The following TLNRD1 variants were observed in gnomAD, a reference collection of about 807,000 sequenced individuals.
The protein encoded by TLNRD1 is talin rod domain-containing protein 1.
TLNRD1 carries 14 observed loss-of-function variants against 19.5 expected under a neutral mutation model. The ratio of observed to expected loss-of-function variants is 0.72; its 90% confidence interval spans 0.47 to 1.12. TLNRD1 has a LOEUF of 1.12. Ranked by LOEUF, TLNRD1 falls within the 50% of genes most tolerant of loss-of-function variation. The pLI is 0.00. For missense variants in TLNRD1, 569 were observed against 531.9 expected (o/e 1.07, Z -0.69); for synonymous variants, 345 against 261.7 (o/e 1.32, Z -3.07).
rs1893451161 is a variant in TLNRD1 at position 81,003,457 on chromosome 15, C to T, written c.*97C>T. On this transcript the variant is annotated 3_prime_UTR_variant, in exon 1 of 1. Transcript: ENST00000267984. Reference sequence around the variant, plus strand: ...TATACCAAAGAAATCATAGGTGAAACCCCCTACCCTCCCCAACGTTAAATG... The same window carrying T: ...TATACCAAAGAAATCATAGGTGAAATCCCCTACCCTCCCCAACGTTAAATG... 3 of 1,302,910 alleles carry T rather than the reference C, an allele frequency of 2.3e-6. No homozygotes were observed. The highest frequency in any genetic ancestry group is 1.5e-5 in the South Asian group (1 of 65,022). 80.7% of individuals were successfully genotyped at this position (1,302,910 alleles called of 1,614,324 possible). A position where few individuals can be genotyped will look rare whatever the true frequency, so the allele number is the denominator to read the frequency against.
Position 81,002,949 on chromosome 15 carries a change from G to T in TLNRD1, c.678G>T (p.Ser226=). ...TCAAGTGCATGAGCACCAGCGCGTC[G>T]GCGCTGCTGGCCTGCGTGCGCGAGG... ...LGVKCMSTSA[S]ALLACVREVK... Residue 226 remains serine (S), a synonymous_variant, in exon 1 of 1, where the codon TCG becomes TCT. Coordinates refer to ENST00000267984, the MANE Select transcript of TLNRD1 (RefSeq NM_022566.3). 1.3e-6 allele frequency: 2 copies of T among 1,592,858 alleles called. No homozygotes were observed. The highest frequency in any genetic ancestry group is 1.7e-6 in the Non-Finnish European group (2 of 1,176,256).
rs753023700 is a variant in TLNRD1, at chr15:81,002,629, G to A, written c.358G>A (p.Val120Met). 2.0e-6 allele frequency: 3 copies of A among 1,494,314 alleles called. No individual in the cohort carries two copies. The highest frequency in any genetic ancestry group is 1.8e-4 in the Middle Eastern group (1 of 5,634). 92.6% of individuals were successfully genotyped at this position (1,494,314 alleles called of 1,614,324 possible). A position where few individuals can be genotyped will look rare whatever the true frequency, so the allele number is the denominator to read the frequency against. The change falls in exon 1 of 1, where the codon GTG becomes ATG. Residue 120 changes from valine to methionine, a missense_variant. Coordinates refer to ENST00000267984, the MANE Select transcript of TLNRD1 (RefSeq NM_022566.3). The part of the protein sequence containing the change: ...DSLVELGDLV[V>M]SLTECSAHAA... ...CCTGGTGGAGCTGGGCGACCTGGTG[G>A]TGTCGCTGACCGAGTGCTCGGCCCA...
Position 81,002,777 on chromosome 15 carries a change from C to T in TLNRD1, c.506C>T (p.Ala169Val). The T allele has an allele frequency of 6.5e-7, 1 of 1,548,174 alleles. No individual in the cohort carries two copies. Among genetic ancestry groups the T allele is most frequent in the South Asian group, 1.2e-5 (1 of 85,596 alleles). Residue 169 changes from alanine (A) to valine (V), a missense_variant, in exon 1 of 1, where the codon GCC (alanine) becomes GTC (valine). Physicochemically the swap from Ala to Val is moderately conservative, Grantham distance 64 (BLOSUM62 0). Transcript: ENST00000267984. Reference sequence around the variant, plus strand: ...GAGCAGGGTTGCGCCGTGCTGCGCGCCACGCCGCTGGCCGACATGACGCCG... The same window carrying T: ...GAGCAGGGTTGCGCCGTGCTGCGCGTCACGCCGCTGGCCGACATGACGCCG... ...EVEQGCAVLR[A>V]TPLADMTPQL...
In TLNRD1 at chr15:81,004,685, T is replaced by C. The variant is rs1421027989; in HGVS notation, c.*1325T>C. 1.8e-5 allele frequency: 3 copies of C among 167,104 alleles called. No individual in the cohort carries two copies. Among genetic ancestry groups the C allele is most frequent in the Admixed American group, 1.3e-4 (2 of 15,280 alleles). The allele number at this position is 167,104 out of a possible 1,614,324, so 10.4% of individuals were successfully genotyped here. ...GATCTAAGATAATGCCATGGTTGAT[T>C]GTATGTTGGAAGAATCTTTGATTGG... On this transcript the variant is annotated 3_prime_UTR_variant, in exon 1 of 1. Coordinates refer to ENST00000267984, the MANE Select transcript of TLNRD1 (RefSeq NM_022566.3).
In TLNRD1 at chr15:81,003,090, C is replaced by T. The variant is rs1470129101; in HGVS notation, c.819C>T (p.Arg273=). 3 of 1,552,782 alleles carry T rather than the reference C, an allele frequency of 1.9e-6. No individual in the cohort carries two copies. In the African/African-American group the frequency reaches 4.1e-5, roughly 21 times the overall value. Reference sequence around the variant, plus strand: ...CCACCGAGCCGCAGTTCCTGGGTCGCGCGGCAGCTGTGAGCGCCGAGGGCA... The same window carrying T: ...CCACCGAGCCGCAGTTCCTGGGTCGTGCGGCAGCTGTGAGCGCCGAGGGCA... ...GFATEPQFLG[R]AAAVSAEGKA... is the part of the protein sequence containing the mutation. Residue 273 remains arginine (R), a synonymous_variant, in exon 1 of 1, where the codon CGC becomes CGT. Transcript: ENST00000267984.
In TLNRD1 at chr15:81,004,074, G is replaced by A. The variant is rs987339917; in HGVS notation, c.*714G>A. 1 of 167,042 alleles carries A rather than the reference G, an allele frequency of 6.0e-6. No homozygotes were observed. The highest frequency in any genetic ancestry group is 1.5e-5 in the Non-Finnish European group (1 of 68,108). The allele number at this position is 167,042 out of a possible 1,614,324, so 10.3% of individuals were successfully genotyped here. On this transcript the variant is annotated 3_prime_UTR_variant, in exon 1 of 1. Transcript: ENST00000267984. ...GCATGCTGCATGTCATGTATGGGAA[G>A]GGTCTGTGGGAAGGCTATTTCAATA...
rs745500291 is a variant in TLNRD1, at chr15:81,002,370, G to T, written c.99G>T (p.Leu33=). The change falls in exon 1 of 1, where the codon CTG becomes CTT. Residue 33 remains leucine, a synonymous_variant. Coordinates refer to ENST00000267984, the MANE Select transcript of TLNRD1 (RefSeq NM_022566.3). ...GGASSQPRKR[L]VSVCDHCKGK... ...CCAGCTCGCAGCCGCGGAAGAGGCT[G>T]GTATCCGTCTGCGACCACTGCAAGG... The T allele has an allele frequency of 1.3e-6, 2 of 1,503,478 alleles. No individual in the cohort carries two copies. Among genetic ancestry groups the T allele is most frequent in the African/African-American group, 1.4e-5 (1 of 69,648 alleles). The allele number at this position is 1,503,478 out of a possible 1,614,324, so 93.1% of individuals were successfully genotyped here.
rs1595891440 is a variant in TLNRD1 at position 81,003,542 on chromosome 15, G to A, written c.*182G>A. 8.4e-5 allele frequency: 54 copies of A among 646,096 alleles called. 2 individuals are homozygous for A. The South Asian group carries it at 1.1e-3, about 13-fold the overall frequency. 40.0% of individuals were successfully genotyped at this position (646,096 alleles called of 1,614,324 possible). On this transcript the variant is annotated 3_prime_UTR_variant, in exon 1 of 1. Coordinates refer to ENST00000267984, the MANE Select transcript of TLNRD1 (RefSeq NM_022566.3). ...ACGCAACCTGCACACGCACTTGGAG[G>A]GCCCAGGTGTCTCTCCACCAGCCCC...
In TLNRD1 at chr15:81,003,591, T is replaced by A. The variant is rs774203065; in HGVS notation, c.*231T>A. The A allele has an allele frequency of 2.1e-6, 1 of 465,308 alleles. No individual in the cohort carries two copies. The highest frequency in any genetic ancestry group is 3.9e-6 in the Non-Finnish European group (1 of 257,060). 28.8% of individuals were successfully genotyped at this position (465,308 alleles called of 1,614,324 possible). ...CCCATGCAGTAGGGACTGGAAGATATGTCATCTGCTGGTTGTGTTATCACT... is the reference window on the plus strand; with the variant it reads ...CCCATGCAGTAGGGACTGGAAGATAAGTCATCTGCTGGTTGTGTTATCACT... On this transcript the variant is annotated 3_prime_UTR_variant, in exon 1 of 1. Coordinates refer to ENST00000267984, the MANE Select transcript of TLNRD1 (RefSeq NM_022566.3).
chr15:81,002,318 C>A lies in TLNRD1; in HGVS notation c.47C>A (p.Pro16Gln). ...AGKPTGEAASPAPASAIGGAS... is the reference protein window; with the variant it reads ...AGKPTGEAASQAPASAIGGAS... ...AAGCCCACTGGCGAGGCGGCTTCTC[C>A]GGCTCCTGCGAGCGCCATCGGCGGG... The change falls in exon 1 of 1, where the codon CCG (proline) becomes CAG (glutamine). Residue 16 changes from proline (P) to glutamine (Q), a missense_variant. Physicochemically the swap from Pro to Gln is moderately conservative, Grantham distance 76 (BLOSUM62 -1). Transcript: ENST00000267984. 7.2e-7 allele frequency: 1 copy of A among 1,390,340 alleles called. No homozygotes were observed. The highest frequency in any genetic ancestry group is 9.4e-7 in the Non-Finnish European group (1 of 1,067,588). The allele number at this position is 1,390,340 out of a possible 1,614,324, so 86.1% of individuals were successfully genotyped here. A position where few individuals can be genotyped will look rare whatever the true frequency, so the allele number is the denominator to read the frequency against.
Position 81,003,157 on chromosome 15 carries a change from G to T in TLNRD1, c.886G>T (p.Val296Leu), listed in dbSNP as rs1893444061. 3.2e-6 allele frequency: 5 copies of T among 1,571,272 alleles called. No homozygotes were observed. The highest frequency in any genetic ancestry group is 4.3e-6 in the Non-Finnish European group (5 of 1,158,350). The change falls in exon 1 of 1, where the codon GTG becomes TTG. Residue 296 changes from valine (V) to leucine (L), a missense_variant. Coordinates refer to ENST00000267984, the MANE Select transcript of TLNRD1 (RefSeq NM_022566.3). ...TAILGGAMSV[V>L]SACVLLTQCL... Reference sequence around the variant, plus strand: ...CATCCTGGGCGGCGCCATGAGCGTGGTGTCGGCCTGCGTGCTCCTGACCCA... The same window carrying T: ...CATCCTGGGCGGCGCCATGAGCGTGTTGTCGGCCTGCGTGCTCCTGACCCA...
rs149174632 is a variant in TLNRD1, at chr15:81,004,473, TC to T, written c.*1114del. On this transcript the variant is annotated 3_prime_UTR_variant, in exon 1 of 1. Coordinates refer to ENST00000267984, the MANE Select transcript of TLNRD1 (RefSeq NM_022566.3). Reference sequence around the variant, plus strand: ...GATGGAACTCTAAAAGTACTGTACATCAAGTGAGAATAGTTAGCATCTTTTA... The same window carrying T: ...GATGGAACTCTAAAAGTACTGTACATAAGTGAGAATAGTTAGCATCTTTTA... 0.037 allele frequency: 6,222 copies of T among 167,170 alleles called. 144 individuals are homozygous for T. The highest frequency in any genetic ancestry group is 0.051 in the South Asian group (247 of 4,822). 10.4% of individuals were successfully genotyped at this position (167,170 alleles called of 1,614,324 possible).
Position 81,002,951 on chromosome 15 carries a change from C to T in TLNRD1, c.680C>T (p.Ala227Val), listed in dbSNP as rs1218153355. 13 of 1,591,316 alleles carry T rather than the reference C, an allele frequency of 8.2e-6. No individual in the cohort carries two copies. The highest frequency in any genetic ancestry group is 9.4e-6 in the Non-Finnish European group (11 of 1,175,202). Residue 227 changes from alanine (A) to valine (V), a missense_variant, in exon 1 of 1, where the codon GCG becomes GTG. By Grantham distance (64) the Ala-to-Val change is moderately conservative. Transcript: ENST00000267984. ...AAGTGCATGAGCACCAGCGCGTCGG[C>T]GCTGCTGGCCTGCGTGCGCGAGGTG... ...GVKCMSTSAS[A>V]LLACVREVKV... is the part of the protein sequence containing the mutation.
chr15:81,002,901 G>C lies in TLNRD1; in HGVS notation c.630G>C (p.Ser210=), dbSNP rs774808064. 20 of 1,597,274 alleles carry C rather than the reference G, an allele frequency of 1.3e-5. No homozygotes were observed. Among genetic ancestry groups the C allele is most frequent in the Middle Eastern group, 1.7e-4 (1 of 6,060 alleles). ...LASDKSRDRF[S]REQFKLGVKC... is the part of the protein sequence containing the mutation. Reference sequence around the variant, plus strand: ...GTGACAAGTCACGGGACCGCTTTTCGCGGGAGCAGTTCAAGCTGGGCGTCA... The same window carrying C: ...GTGACAAGTCACGGGACCGCTTTTCCCGGGAGCAGTTCAAGCTGGGCGTCA... Residue 210 remains serine, a synonymous_variant, in exon 1 of 1, where the codon TCG becomes TCC. Coordinates refer to ENST00000267984, the MANE Select transcript of TLNRD1 (RefSeq NM_022566.3).
rs113354486 is a variant in TLNRD1 at position 81,002,482 on chromosome 15, G to A, written c.211G>A (p.Gly71Ser). ...LFEGPASSGA[G>S]AESFEQCRDT... ...CGAGGGCCCCGCCTCCTCTGGTGCC[G>A]GCGCCGAGTCCTTCGAGCAGTGCCG... Residue 71 changes from glycine (G) to serine (S), a missense_variant, in exon 1 of 1, where the codon GGC becomes AGC. Physicochemically the swap from Gly to Ser is moderately conservative, Grantham distance 56. Transcript: ENST00000267984. 6.7e-7 allele frequency: 1 copy of A among 1,499,598 alleles called. No homozygotes were observed. Among genetic ancestry groups the A allele is most frequent in the Non-Finnish European group, 8.9e-7 (1 of 1,127,880 alleles). 92.9% of individuals were successfully genotyped at this position (1,499,598 alleles called of 1,614,324 possible). A position where few individuals can be genotyped will look rare whatever the true frequency, so the allele number is the denominator to read the frequency against.
rs1217227832 is a variant in TLNRD1 at position 81,003,009 on chromosome 15, C to T, written c.738C>T (p.Arg246=). The change falls in exon 1 of 1, where the codon CGC becomes CGT. Residue 246 remains arginine (R), a synonymous_variant. Coordinates refer to ENST00000267984, the MANE Select transcript of TLNRD1 (RefSeq NM_022566.3). The part of the protein sequence containing the change: ...KVAPSELARS[R]CALFSGPLVQ... ...CGCCCAGTGAGCTGGCGCGCAGCCG[C>T]TGTGCGCTCTTCAGCGGGCCCCTGG... 9 of 1,563,536 alleles carry T rather than the reference C, an allele frequency of 5.8e-6. No homozygotes were observed. The highest frequency in any genetic ancestry group is 7.7e-6 in the Non-Finnish European group (9 of 1,161,480).
At position 81,002,597 on chromosome 15, in the gene TLNRD1, G is replaced by A; in HGVS notation, c.326G>A (p.Gly109Glu). ...QLNMGRFGEA[G>E]DSLVELGDLV... ...AACATGGGCCGCTTCGGGGAGGCGGGGGACAGCCTGGTGGAGCTGGGCGAC... is the reference window on the plus strand; with the variant it reads ...AACATGGGCCGCTTCGGGGAGGCGGAGGACAGCCTGGTGGAGCTGGGCGAC... The change falls in exon 1 of 1, where the codon GGG (glycine) becomes GAG (glutamate). Residue 109 changes from glycine (G) to glutamate (E), a missense_variant. By Grantham distance (98) the Gly-to-Glu change is moderately conservative. Coordinates refer to ENST00000267984, the MANE Select transcript of TLNRD1 (RefSeq NM_022566.3). The A allele has an allele frequency of 6.8e-7, 1 of 1,476,008 alleles. No homozygotes were observed. The allele number at this position is 1,476,008 out of a possible 1,614,324, so 91.4% of individuals were successfully genotyped here.
At position 81,005,364 on chromosome 15, in the gene TLNRD1, A is replaced by G. The variant is rs1893477001; in HGVS notation, c.*2004A>G. The G allele has an allele frequency of 6.0e-6, 1 of 167,066 alleles. No individual in the cohort carries two copies. The highest frequency in any genetic ancestry group is 2.1e-4 in the South Asian group (1 of 4,830). 10.3% of individuals were successfully genotyped at this position (167,066 alleles called of 1,614,324 possible). On this transcript the variant is annotated 3_prime_UTR_variant, in exon 1 of 1. Coordinates refer to ENST00000267984, the MANE Select transcript of TLNRD1 (RefSeq NM_022566.3). Reference sequence around the variant, plus strand: ...GATTCTAATTCATGTGCCAGTGACAATCCTGCATGCATATAGAAATTTTTA... The same window carrying G: ...GATTCTAATTCATGTGCCAGTGACAGTCCTGCATGCATATAGAAATTTTTA...
rs1319880365 is a variant in TLNRD1 at position 81,001,130 on chromosome 15, T to G, written c.-1142T>G. The G allele has an allele frequency of 6.6e-6, 1 of 152,428 alleles. No homozygotes were observed. The highest frequency in any genetic ancestry group is 2.4e-5 in the African/African-American group (1 of 41,420). The allele number at this position is 152,428 out of a possible 1,614,324, so 9.4% of individuals were successfully genotyped here. The stretch of plus-strand genomic sequence containing the variant: ...TTTCGGCCCCCGCCCTTCCTTTCAG[T>G]TTCTGCCCGCTCGCTCGGAAGTTGG... On this transcript the variant is annotated 5_prime_UTR_variant, in exon 1 of 1. Coordinates refer to ENST00000267984, the MANE Select transcript of TLNRD1 (RefSeq NM_022566.3).
Sources: allele counts gnomAD v4.1 joint callset, GRCh38; gene constraint gnomAD v4.1.1; transcripts MANE v1.5; gene names NCBI Gene and HGNC (gene_info 2026-07-23, HGNC 2026-07-21).